Variants in RFX3 observed in about 807,000 individuals in gnomAD.
RFX3 encodes the protein regulatory factor X3, also known as transcription factor RFX3.
RFX3 carries 14 observed loss-of-function variants against 98.6 expected under a neutral mutation model. The observed-to-expected ratio is 0.14, with a 90% CI of 0.09 to 0.22. The LOEUF is 0.22. Among genes scored for constraint, RFX3 ranks in the 10% least tolerant of loss-of-function variants. The probability of loss-of-function intolerance (pLI) is 1.00; values close to 1 mark genes in which losing one functional copy is unlikely to be tolerated. For synonymous variants in RFX3, 383 were observed against 328.4 expected (o/e 1.17, Z -1.80); for missense variants, 639 against 926.9 (o/e 0.69, Z 4.03).
In RFX3 at chr9:3,302,452, T is replaced by C. The variant is rs535669340; in HGVS notation, c.475-832A>G. 4.6e-5 allele frequency among the ~76,000 whole-genome samples: 7 copies of C among 151,914 alleles called. No homozygotes were observed. The South Asian group carries it at 1.2e-3, about 27-fold the overall frequency. ...ATCTATCTTTCAACTCCTGGTAGTA[T>C]TGCATGTTGCATTAAAAACAGGTAC... On this transcript the variant is annotated intron_variant, in intron 4 of 16. Transcript: ENST00000617270.
At chr9:3,433,626 T>G (rs947064152) in intron 1 of RFX3, among the ~76,000 whole-genome samples, 3 of 152,214 alleles carry the variant, frequency 2.0e-5, no homozygotes, top group Non-Finnish European at 4.4e-5. Flanking sequence ...AAGGGTCAAC[T>G]GTATTTCATT....
chr9:3,383,963 A>C (rs1404075641), intron 2 of RFX3, among the ~76,000 whole-genome samples: 1 of 152,214 alleles, frequency 6.6e-6, no homozygotes, highest in Non-Finnish European at 1.5e-5. Context: ...ACAGAAAAGT[A>C]AGTGTTCCAT....
intron 4 of RFX3, among the ~76,000 whole-genome samples, chr9:3,313,777 C>A (rs1186751278): frequency 6.6e-6 from 1 of 152,074 alleles, no homozygotes; most frequent in Non-Finnish European, 1.5e-5. Context: ...GTATCAGTGA[C>A]TGAAGATCAA....
intron 1 of RFX3, among the ~76,000 whole-genome samples, chr9:3,410,965 C>T (rs1447596837): frequency 6.6e-6 from 1 of 152,118 alleles, no homozygotes; most frequent in Non-Finnish European, 1.5e-5. Flanking sequence ...AAACACCTCC[C>T]AGTATAACTG....
At chr9:3,412,458 AAAAG>A (rs1440416162) in intron 1 of RFX3, among the ~76,000 whole-genome samples, 4 of 152,244 alleles carry the variant, frequency 2.6e-5, no homozygotes, top group East Asian at 1.9e-4. Context: ...ATAGAGAAGT[AAAAG>A]AAAGGCTTCA....
intron 13 of RFX3, among the ~76,000 whole-genome samples, chr9:3,259,408 C>T (rs1199616763): frequency 6.6e-6 from 1 of 151,532 alleles, no homozygotes; most frequent in East Asian, 1.9e-4. Flanking sequence ...AATATACTAA[C>T]AATAGAGCGC....
At chr9:3,390,518 T>C (rs545300745) in intron 2 of RFX3, among the ~76,000 whole-genome samples, 2 of 152,226 alleles carry the variant, frequency 1.3e-5, no homozygotes, top group East Asian at 1.9e-4. Flanking sequence ...TGGAGCAAAC[T>C]TGTGGGGAAT....
chr9:3,403,214 G>T (rs1841644304), intron 1 of RFX3, among the ~76,000 whole-genome samples: 1 of 151,986 alleles, frequency 6.6e-6, no homozygotes, highest in Non-Finnish European at 1.5e-5. Flanking sequence ...ATAAACTGTT[G>T]TCAAACACCA....
chr9:3,423,264 T>C (rs1368822201), intron 1 of RFX3, among the ~76,000 whole-genome samples: 2 of 152,146 alleles, frequency 1.3e-5, no homozygotes, highest in African/African-American at 4.8e-5. Flanking sequence ...ATAGTAACCA[T>C]ATGACCCAAT....
chr9:3,367,066 A>G (rs1163076251), intron 2 of RFX3, among the ~76,000 whole-genome samples: 1 of 152,104 alleles, frequency 6.6e-6, no homozygotes, highest in Non-Finnish European at 1.5e-5. Flanking sequence ...CCCTCAACCA[A>G]GATTAGAAAC....
chr9:3,430,788 C>G (rs1385845294), intron 1 of RFX3, among the ~76,000 whole-genome samples: 1 of 148,864 alleles, frequency 6.7e-6, no homozygotes, highest in South Asian at 2.1e-4. Context: ...AGATGTGTAA[C>G]AATTTGAAAA....
chr9:3,468,470 A>G (rs925094428), intron 1 of RFX3, among the ~76,000 whole-genome samples: 1 of 152,170 alleles, frequency 6.6e-6, no homozygotes, highest in African/African-American at 2.4e-5. Flanking sequence ...TTTGAGCTCC[A>G]CAACACTGCT....
chr9:3,410,677 T>C (rs1842391598), intron 1 of RFX3, among the ~76,000 whole-genome samples: 1 of 152,316 alleles, frequency 6.6e-6, no homozygotes, highest in East Asian at 1.9e-4. Flanking sequence ...CTCGTAAGGG[T>C]AATCAGTTTT....
chr9:3,277,572 T>A (rs964434668), intron 7 of RFX3, 111 bp from the exon 8 acceptor site: 1 of 877,974 alleles, frequency 1.1e-6, no homozygotes, highest in Non-Finnish European at 1.7e-6. Flanking sequence ...TAACGTCTCA[T>A]GATAGTTGTA....
At chr9:3,381,853 C>T (rs1172426374) in intron 2 of RFX3, among the ~76,000 whole-genome samples, 2 of 152,222 alleles carry the variant, frequency 1.3e-5, no homozygotes, top group African/African-American at 4.8e-5. Flanking sequence ...TTACAAGAAA[C>T]AGCTTGGCCA....
chr9:3,476,003 G>C (rs530988342), intron 1 of RFX3, among the ~76,000 whole-genome samples: 1 of 152,202 alleles, frequency 6.6e-6, no homozygotes, highest in South Asian at 2.1e-4. Context: ...GCCCTGTCCA[G>C]GCATGACAGA....
chr9:3,227,649 T>C (rs1817936536), intron 16 of RFX3, among the ~76,000 whole-genome samples: 1 of 152,188 alleles, frequency 6.6e-6, no homozygotes, highest in Non-Finnish European at 1.5e-5. Flanking sequence ...AATCCCTAAA[T>C]TTGGGTTATG....
At chr9:3,434,047 T>C (rs908895620) in intron 1 of RFX3, among the ~76,000 whole-genome samples, 3 of 152,158 alleles carry the variant, frequency 2.0e-5, no homozygotes, top group African/African-American at 7.2e-5. Context: ...GAAATCTCAA[T>C]GGAGATTCTG....
chr9:3,295,437 C>A (rs1344775573), intron 5 of RFX3, among the ~76,000 whole-genome samples: 1 of 151,872 alleles, frequency 6.6e-6, no homozygotes, highest in Non-Finnish European at 1.5e-5. Context: ...GGGTTGACCA[C>A]CTTCTAGTGG....
Sources: gnomAD v4.1 joint callset for allele counts (sites outside exome capture counted in the v4.1 genomes callset) on GRCh38, gnomAD v4.1.1 for gene constraint, MANE v1.5 for transcripts, NCBI Gene and HGNC (gene_info 2026-07-23, HGNC 2026-07-21) for gene names.